The following SLIT1 variants were observed in gnomAD, a reference collection of about 807,000 sequenced individuals.
SLIT1 encodes the protein slit guidance ligand 1.
In SLIT1, 66 loss-of-function variants were observed where a neutral mutation model predicts 186.1. That is an observed-to-expected ratio of 0.35 (90% CI 0.29 to 0.44). SLIT1 has a LOEUF of 0.44. SLIT1 is among the 20% of genes least tolerant of loss of function. The pLI is 1.00. For synonymous variants in SLIT1, 761 were observed against 833.8 expected (o/e 0.91, Z 1.50); for missense variants, 1,638 against 2,037.4 (o/e 0.80, Z 3.77).
chr10:97,152,687 G>A (rs531875750), intron 4 of SLIT1, among the ~76,000 whole-genome samples: 1 of 152,160 alleles, frequency 6.6e-6, no homozygotes, highest in African/African-American at 2.4e-5. Flanking sequence ...GTTTCCTACC[G>A]TAAACGTAAC....
intron 4 of SLIT1, among the ~76,000 whole-genome samples, chr10:97,128,720 T>C (rs1455067875): frequency 1.3e-5 from 2 of 152,130 alleles, no homozygotes; most frequent in African/African-American, 2.4e-5. Context: ...GGTTTCTTGT[T>C]TGTGCAAGAG....
At chr10:97,083,267 G>A (rs895357218) in intron 4 of SLIT1, among the ~76,000 whole-genome samples, 2 of 152,136 alleles carry the variant, frequency 1.3e-5, no homozygotes, top group Admixed American at 6.5e-5. Context: ...CTCTGATCAT[G>A]CCTATTTTCC....
In SLIT1 at chr10:97,001,125, G is replaced by T; in HGVS notation, c.4592C>A (p.Ala1531Asp). ...CCACGCCCAGCGCTATGCGCAGAGGGCACAGCCACACTTGGTGGGCTTTTC... is the reference window on the plus strand; with the variant it reads ...CCACGCCCAGCGCTATGCGCAGAGGTCACAGCCACACTTGGTGGGCTTTTC... ...EVEKPTKCGCALCA is the reference protein window; with the variant it reads ...EVEKPTKCGCDLCA Residue 1531 changes from alanine (A) to aspartate (D), a missense_variant, in exon 37 of 37, where the codon GCC (alanine) becomes GAC (aspartate). Coordinates refer to ENST00000266058, the MANE Select transcript of SLIT1 (RefSeq NM_003061.3). The T allele has an allele frequency of 5.0e-6, 8 of 1,612,714 alleles. No homozygotes were observed. The highest frequency in any genetic ancestry group is 6.8e-6 in the Non-Finnish European group (8 of 1,179,694).
chr10:97,110,774 C>T (rs1005322690), intron 4 of SLIT1, among the ~76,000 whole-genome samples: 9 of 152,196 alleles, frequency 5.9e-5, no homozygotes, highest in African/African-American at 1.9e-4. Flanking sequence ...AGCTTTGCTA[C>T]GTTCTTTTGC....
intron 30 of SLIT1, among the ~76,000 whole-genome samples, chr10:97,012,844 C>T (rs1210386746): frequency 6.6e-6 from 1 of 152,212 alleles, no homozygotes; most frequent in East Asian, 1.9e-4. Context: ...CCCTCAGCCA[C>T]AAGCCCCAGG....
chr10:97,150,990 A>G (rs951139880), intron 4 of SLIT1, among the ~76,000 whole-genome samples: 1 of 146,918 alleles, frequency 6.8e-6, no homozygotes, highest in African/African-American at 2.5e-5. Context: ...CCACCAGGGT[A>G]TACCTGCCCC....
At chr10:97,048,514 A>C (rs1848756674) in intron 14 of SLIT1, among the ~76,000 whole-genome samples, 1 of 152,178 alleles carries the variant, frequency 6.6e-6, no homozygotes, top group Non-Finnish European at 1.5e-5. Context: ...GAGGGACCTG[A>C]GTCCTCCCTC....
At chr10:97,123,482 TAGGCAAATTTGGAGAC>T (rs372537025) in intron 4 of SLIT1, among the ~76,000 whole-genome samples, 74 of 152,244 alleles carry the variant, frequency 4.9e-4, no homozygotes, top group South Asian at 1.5e-3. Context: ...AGCCCAATGC[TAGGCAAATTTGGAGAC>T]AGGCAAATTT....
At chr10:97,180,133 G>T (rs1440025186) in intron 1 of SLIT1, among the ~76,000 whole-genome samples, 2 of 152,346 alleles carry the variant, frequency 1.3e-5, no homozygotes, top group East Asian at 3.9e-4. Flanking sequence ...GTGCTCCAGG[G>T]TTCCCAGCGG....
At chr10:97,162,078 A>T (rs965775047) in intron 3 of SLIT1, among the ~76,000 whole-genome samples, 15 of 152,218 alleles carry the variant, frequency 9.9e-5, no homozygotes, top group African/African-American at 3.6e-4. Flanking sequence ...AAGAATAAAA[A>T]TAAAGTTATC....
At chr10:97,182,422 ATATT>A (rs1270396881) in intron 1 of SLIT1, among the ~76,000 whole-genome samples, 5 of 152,212 alleles carry the variant, frequency 3.3e-5, no homozygotes, top group Non-Finnish European at 7.3e-5. Flanking sequence ...CACAACACTC[ATATT>A]GATTAGAGAG....
intron 4 of SLIT1, among the ~76,000 whole-genome samples, chr10:97,093,600 C>A (rs894236423): frequency 6.6e-6 from 1 of 152,176 alleles, no homozygotes. Flanking sequence ...AATGTTGGAG[C>A]AAAAGATAGA....
At chr10:97,105,650 T>C (rs1849406255) in intron 4 of SLIT1, among the ~76,000 whole-genome samples, 1 of 152,214 alleles carries the variant, frequency 6.6e-6, no homozygotes, top group South Asian at 2.1e-4. Context: ...ATCTAGAAGA[T>C]GACTGCCTAA....
intron 4 of SLIT1, among the ~76,000 whole-genome samples, chr10:97,130,509 G>A (rs2134694445): frequency 6.6e-6 from 1 of 152,296 alleles, no homozygotes; most frequent in Non-Finnish European, 1.5e-5. Context: ...AGTCGCAAAA[G>A]GACAAATATT....
chr10:97,005,558 T>C (rs1488114416), intron 32 of SLIT1, among the ~76,000 whole-genome samples: 13 of 152,244 alleles, frequency 8.5e-5, no homozygotes, highest in Non-Finnish European at 1.9e-4. Flanking sequence ...ATCAGAGATC[T>C]TCCTTGAGCT....
At chr10:97,086,307 C>G (rs1470745267) in intron 4 of SLIT1, among the ~76,000 whole-genome samples, 1 of 152,118 alleles carries the variant, frequency 6.6e-6, no homozygotes, top group Non-Finnish European at 1.5e-5. Flanking sequence ...AGGTGGCTCA[C>G]GCCTGTAATC....
At chr10:97,072,523 C>CCAGG (rs1849009494) in intron 4 of SLIT1, among the ~76,000 whole-genome samples, 1 of 151,148 alleles carries the variant, frequency 6.6e-6, no homozygotes, top group Non-Finnish European at 1.5e-5. Context: ...GACACAGCCC[C>CCAGG]CAGGCAGGCA....
chr10:97,072,089 A>T (rs1414118787), intron 4 of SLIT1, among the ~76,000 whole-genome samples: 2 of 152,186 alleles, frequency 1.3e-5, no homozygotes, highest in Non-Finnish European at 2.9e-5. Flanking sequence ...AGCTGGGAGA[A>T]GCCTCACACA....
chr10:97,096,656 A>G lies in SLIT1; in HGVS notation c.414-30570T>C, dbSNP rs1849293771. ...CAGGGCTGCTTCGCCACCTGCCCAC[A>G]GCACAGCCCACCCGCCCCAGCTCGA... On this transcript the variant is annotated intron_variant, in intron 4 of 36. Coordinates refer to ENST00000266058, the MANE Select transcript of SLIT1 (RefSeq NM_003061.3). Among the ~76,000 whole-genome samples the G allele has an allele frequency of 2.0e-5, 3 of 152,062 alleles. 1 individual carries two copies. The highest frequency in any genetic ancestry group is 2.0e-4 in the Admixed American group (3 of 15,278).
Sources: gnomAD v4.1 joint callset for allele counts (sites outside exome capture counted in the v4.1 genomes callset) on GRCh38, gnomAD v4.1.1 for gene constraint, MANE v1.5 for transcripts, NCBI Gene and HGNC (gene_info 2026-07-23, HGNC 2026-07-21) for gene names.